Variants in GDAP1 observed in about 807,000 individuals in gnomAD.
The protein encoded by GDAP1 is ganglioside-induced differentiation-associated protein 1.
In GDAP1, 34 loss-of-function variants were observed where a neutral mutation model predicts 40.1. That is an observed-to-expected ratio of 0.85 (90% CI 0.64 to 1.13). The LOEUF (loss-of-function observed/expected upper bound fraction) is 1.13, where lower values mean the gene tolerates loss of function less well. Among genes scored for constraint, GDAP1 ranks in the 50% most tolerant of loss-of-function variants. GDAP1 has a pLI of 0.00. For synonymous variants in GDAP1, 170 were observed against 157.4 expected, an observed-to-expected ratio of 1.08 and a Z score of -0.60; for missense variants, 374 against 433.7, an observed-to-expected ratio of 0.86 and a Z score of 1.22.
intron 2 of GDAP1, among the ~76,000 whole-genome samples, chr8:74,405,375 T>C (rs937168569): frequency 6.7e-6 from 1 of 150,244 alleles, no homozygotes; most frequent in South Asian, 2.1e-4. Context: ...GTTATTATAC[T>C]GTATTGTTTA....
chr8:74,465,550 C>T (rs1221213530), intron 2 of GDAP1, among the ~76,000 whole-genome samples: 3 of 152,148 alleles, frequency 2.0e-5, no homozygotes, highest in African/African-American at 4.8e-5. Flanking sequence ...CAGTCTCCAT[C>T]GAGCAGCTTG....
At chr8:74,376,227 G>A (rs985278094) in intron 2 of GDAP1, among the ~76,000 whole-genome samples, 2 of 152,076 alleles carry the variant, frequency 1.3e-5, no homozygotes. Flanking sequence ...CACCATTACA[G>A]CAGTCCCATC....
At chr8:74,437,227 T>C (rs1031850136) in intron 2 of GDAP1, among the ~76,000 whole-genome samples, 17 of 152,386 alleles carry the variant, frequency 1.1e-4, no homozygotes, top group African/African-American at 4.1e-4. Flanking sequence ...ATTTTATAGC[T>C]GTCTGAGATC....
chr8:74,488,003 T>C (rs1303195035), intron 2 of GDAP1, among the ~76,000 whole-genome samples: 1 of 152,172 alleles, frequency 6.6e-6, no homozygotes, highest in East Asian at 1.9e-4. Context: ...CATTCCACAC[T>C]CATGCCATTC....
intron 2 of GDAP1, among the ~76,000 whole-genome samples, chr8:74,413,838 G>A (rs1805745352): frequency 6.7e-6 from 1 of 149,368 alleles, no homozygotes. Flanking sequence ...AAGCACAGAG[G>A]TCTGGAAAAG....
chr8:74,389,116 G>A (rs576367158), intron 2 of GDAP1, among the ~76,000 whole-genome samples: 2 of 152,138 alleles, frequency 1.3e-5, no homozygotes, highest in Admixed American at 1.3e-4. Flanking sequence ...ACACTGATGG[G>A]TCTTGACTCT....
intron 2 of GDAP1, among the ~76,000 whole-genome samples, chr8:74,460,648 A>G (rs1444307783): frequency 6.6e-6 from 1 of 152,176 alleles, no homozygotes; most frequent in African/African-American, 2.4e-5. Context: ...TGGATAGGCA[A>G]TGAAGTTCCT....
rs10957711 is a variant in GDAP1 at position 74,391,791 on chromosome 8, A to G, written c.165+40470A>G. Among the ~76,000 whole-genome samples the G allele has an allele frequency of 8.7e-4, 132 of 152,196 alleles. 1 individual carries two copies. The South Asian group carries it at 0.023, about 26-fold the overall frequency. On this transcript the variant is annotated intron_variant, in intron 2 of 2. Transcript: ENST00000523640. ...ATAAAGGTACATCTGTTACATTCAC[A>G]TATTTATTATTGACTTCAGATATAA...
At chr8:74,444,747 A>G (rs1046237601) in intron 2 of GDAP1, among the ~76,000 whole-genome samples, 1 of 152,208 alleles carries the variant, frequency 6.6e-6, no homozygotes, top group African/African-American at 2.4e-5. Flanking sequence ...TTCTAAATGA[A>G]TTGGATTTCT....
intron 2 of GDAP1, among the ~76,000 whole-genome samples, chr8:74,440,197 G>A (rs1586835874): frequency 6.6e-6 from 1 of 152,290 alleles, no homozygotes; most frequent in East Asian, 1.9e-4. Flanking sequence ...GCACTGCAGA[G>A]TTAGCATGAG....
At chr8:74,438,902 T>G (rs1806125714) in intron 2 of GDAP1, among the ~76,000 whole-genome samples, 1 of 152,196 alleles carries the variant, frequency 6.6e-6, no homozygotes, top group Non-Finnish European at 1.5e-5. Flanking sequence ...GGGTGCAGTC[T>G]GAATTAGTTT....
At chr8:74,486,150 A>C (rs372055923) in intron 2 of GDAP1, among the ~76,000 whole-genome samples, 13 of 152,230 alleles carry the variant, frequency 8.5e-5, no homozygotes, top group South Asian at 6.2e-4. Context: ...CGGAATGAAC[A>C]GAAAATCATT....
chr8:74,445,775 A>G (rs572127918), intron 2 of GDAP1, among the ~76,000 whole-genome samples: 32 of 152,292 alleles, frequency 2.1e-4, no homozygotes, highest in Non-Finnish European at 4.0e-4. Flanking sequence ...ATTTGATATA[A>G]CTCCTGGAAA....
chr8:74,407,657 C>T lies in GDAP1; in HGVS notation c.165+56336C>T, dbSNP rs559574180. On this transcript the variant is annotated intron_variant, in intron 2 of 2. Transcript: ENST00000523640. The stretch of plus-strand genomic sequence containing the variant: ...TCTCCTTACTAAACTTCCATTCATT[C>T]ATATATCTATATATTCTATTAGTTC... Among the ~76,000 whole-genome samples the T allele has an allele frequency of 1.6e-3, 242 of 149,524 alleles. 24 individuals carry two copies. The highest frequency in any genetic ancestry group is 5.9e-3 in the African/African-American group (231 of 38,934).
At chr8:74,376,399 A>G (rs1462632422) in intron 2 of GDAP1, among the ~76,000 whole-genome samples, 1 of 134,478 alleles carries the variant, frequency 7.4e-6, no homozygotes, top group Non-Finnish European at 1.5e-5. Context: ...CCCAGGCTGG[A>G]GTGCAGTGGC....
intron 5 of GDAP1, among the ~76,000 whole-genome samples, chr8:74,363,699 T>C (rs534728187): frequency 1.3e-5 from 2 of 152,348 alleles, no homozygotes; most frequent in East Asian, 3.9e-4. Flanking sequence ...AACCCCTTAG[T>C]GTCCTTTACA....
Position 74,464,345 on chromosome 8 carries a change from A to G in GDAP1, c.166-24333A>G, listed in dbSNP as rs116947850. Among the ~76,000 whole-genome samples the G allele has an allele frequency of 2.9e-3, 447 of 152,268 alleles. 2 individuals carry two copies. The highest frequency in any genetic ancestry group is 4.6e-3 in the Admixed American group (70 of 15,284). On this transcript the variant is annotated intron_variant, in intron 2 of 2. Coordinates refer to the GDAP1 transcript ENST00000523640. ...TAAGTTGTAGCATTATAGCAGAGGG[A>G]TCCAGGCTGCAGTAAAATTCAAAGT...
At chr8:74,374,231 G>A (rs537674574) in intron 2 of GDAP1, among the ~76,000 whole-genome samples, 1 of 152,092 alleles carries the variant, frequency 6.6e-6, no homozygotes, top group African/African-American at 2.4e-5. Flanking sequence ...TTTTTGTTGT[G>A]TCTCTGCCAG....
chr8:74,366,628 T>C lies in GDAP1; in HGVS notation c.*2261T>C, dbSNP rs765438794. The C allele has an allele frequency of 2.2e-6, 1 of 453,926 alleles. No individual in the cohort carries two copies. Among genetic ancestry groups the C allele is most frequent in the South Asian group, 1.6e-5 (1 of 64,434 alleles). 28.1% of individuals were successfully genotyped at this position (453,926 alleles called of 1,614,324 possible). On this transcript the variant is annotated 3_prime_UTR_variant, in exon 6 of 6. Coordinates refer to ENST00000220822, the MANE Select transcript of GDAP1 (RefSeq NM_018972.4). ...ATCACAATTAGAAAAATGCCTGAGG[T>C]ACTAAAGTTATGTTGGCTTTTTGTG... is the stretch of plus-strand genomic sequence containing the variant.
Sources: gnomAD v4.1 joint callset for allele counts (sites outside exome capture counted in the v4.1 genomes callset) on GRCh38, gnomAD v4.1.1 for gene constraint, MANE v1.5 for transcripts, NCBI Gene and HGNC (gene_info 2026-07-23, HGNC 2026-07-21) for gene names.